The following FRMD4A variants were observed in gnomAD, a reference collection of about 807,000 sequenced individuals.
The protein encoded by FRMD4A is FERM domain-containing protein 4A.
Under a neutral mutation model 129.1 loss-of-function variants are expected in FRMD4A, and 29 were observed. The ratio of observed to expected loss-of-function variants is 0.22; its 90% CI spans 0.17 to 0.31. The LOEUF is 0.31. Ranked by LOEUF, FRMD4A falls within the 10% of genes least tolerant of loss-of-function variation. The pLI is 1.00. For missense variants in FRMD4A, 1,272 were observed against 1,375.8 expected (o/e 0.92, Z 1.19); for synonymous variants, 634 against 571.6 (o/e 1.11, Z -1.56).
chr10:13,658,768 C>G (rs140250189), intron 21 of FRMD4A, among the ~76,000 whole-genome samples: 7,436 of 151,590 alleles, frequency 0.049, 508 homozygotes, highest in African/African-American at 0.15. Context: ...TGTAATCCCA[C>G]CTACTTGGGA....
chr10:14,240,333 C>T (rs1556158), intron 2 of FRMD4A, among the ~76,000 whole-genome samples: 11,971 of 152,152 alleles, frequency 0.079, 654 homozygotes, highest in South Asian at 0.18. Context: ...TTTCTTTTCC[C>T]GGTGTGTGCG....
At chr10:13,716,139 A>T (rs977549833) in intron 12 of FRMD4A, among the ~76,000 whole-genome samples, 2 of 152,056 alleles carry the variant, frequency 1.3e-5, no homozygotes, top group Non-Finnish European at 2.9e-5. Flanking sequence ...GAGAAGTTGG[A>T]CCCAGGGTCC....
intron 2 of FRMD4A, among the ~76,000 whole-genome samples, chr10:14,244,909 C>A (rs939260458): frequency 2.6e-5 from 4 of 152,184 alleles, no homozygotes; most frequent in African/African-American, 9.7e-5. Flanking sequence ...GGCTATAATG[C>A]TCTTTCTCCT....
intron 2 of FRMD4A, among the ~76,000 whole-genome samples, chr10:14,279,250 G>T (rs543337183): frequency 1.4e-5 from 2 of 145,454 alleles, no homozygotes; most frequent in Non-Finnish European, 3.0e-5. Flanking sequence ...GTAGAGTGGC[G>T]CCATCCTGGC....
intron 2 of FRMD4A, among the ~76,000 whole-genome samples, chr10:14,210,927 C>A (rs1450351458): frequency 6.6e-6 from 1 of 152,124 alleles, no homozygotes; most frequent in African/African-American, 2.4e-5. Flanking sequence ...TGGTGTTTCA[C>A]CGTCTTGACC....
intron 12 of FRMD4A, among the ~76,000 whole-genome samples, chr10:13,733,047 G>A (rs537861588): frequency 2.6e-5 from 4 of 152,224 alleles, no homozygotes; most frequent in African/African-American, 7.2e-5. Context: ...GATGTACAGC[G>A]GAGGTTAAGA....
chr10:14,055,462 A>AAACACAC (rs1834476848), intron 2 of FRMD4A, among the ~76,000 whole-genome samples: 7 of 77,430 alleles, frequency 9.0e-5, no homozygotes, highest in African/African-American at 3.4e-4. Flanking sequence ...CACACACACA[A>AAACACAC]ACACACACAC....
At chr10:13,765,753 C>G (rs1397923626) in intron 6 of FRMD4A, among the ~76,000 whole-genome samples, 1 of 152,168 alleles carries the variant, frequency 6.6e-6, no homozygotes, top group Non-Finnish European at 1.5e-5. Flanking sequence ...TAGCAGGTCC[C>G]ATCAGAATGT....
chr10:13,930,604 G>C (rs1416303633), intron 2 of FRMD4A, among the ~76,000 whole-genome samples: 1 of 152,192 alleles, frequency 6.6e-6, no homozygotes, highest in African/African-American at 2.4e-5. Context: ...CATGCAAAGA[G>C]TGTCACTGCC....
At chr10:13,706,950 T>A in intron 13 of FRMD4A, 87 bp downstream of exon 13, 1 of 752,096 alleles carries the variant, frequency 1.3e-6, no homozygotes, top group East Asian at 2.6e-5. Context: ...AAACTGACCA[T>A]GAACAACGAC....
At chr10:13,737,718 C>G in intron 12 of FRMD4A, 126 bp downstream of exon 12, 1 of 624,342 alleles carries the variant, frequency 1.6e-6, no homozygotes, top group Admixed American at 2.8e-5. Context: ...AATTTGTATA[C>G]ACTAAAATTA....
chr10:14,289,132 C>A (rs1216798574), intron 2 of FRMD4A, among the ~76,000 whole-genome samples: 2 of 151,860 alleles, frequency 1.3e-5, no homozygotes, highest in African/African-American at 2.4e-5. Flanking sequence ...GGATATATAC[C>A]CAGAGATGGG....
chr10:14,135,959 C>T (rs1839514118), intron 2 of FRMD4A, among the ~76,000 whole-genome samples: 2 of 152,176 alleles, frequency 1.3e-5, no homozygotes, highest in Admixed American at 1.3e-4. Flanking sequence ...TTATTCTAAA[C>T]ATACCGTGGT....
chr10:13,687,747 T>C (rs923586349), intron 15 of FRMD4A, among the ~76,000 whole-genome samples: 2 of 152,290 alleles, frequency 1.3e-5, no homozygotes, highest in Non-Finnish European at 2.9e-5. Context: ...GTGAATCCAA[T>C]GCACCCTGCC....
intron 12 of FRMD4A, among the ~76,000 whole-genome samples, chr10:13,726,935 G>T (rs188074349): frequency 1.3e-5 from 2 of 151,116 alleles, no homozygotes; most frequent in African/African-American, 2.4e-5. Flanking sequence ...CCACGATGTC[G>T]CTCTGTCGCC....
intron 2 of FRMD4A, among the ~76,000 whole-genome samples, chr10:14,168,985 A>G (rs1841334346): frequency 1.3e-5 from 2 of 152,198 alleles, no homozygotes; most frequent in South Asian, 4.1e-4. Context: ...GAAAAAGAAT[A>G]AAGTTTTTTC....
chr10:14,047,238 T>C (rs1052212024), intron 2 of FRMD4A, among the ~76,000 whole-genome samples: 4 of 152,208 alleles, frequency 2.6e-5, no homozygotes, highest in Admixed American at 6.5e-5. Context: ...TTGATGGTCT[T>C]GCTTGGTGGA....
chr10:13,730,065 T>C (rs1017204275), intron 12 of FRMD4A, among the ~76,000 whole-genome samples: 2 of 152,182 alleles, frequency 1.3e-5, no homozygotes, highest in African/African-American at 4.8e-5. Context: ...CTTCCGATGA[T>C]CAGATGGCTG....
chr10:13,835,542 A>T (rs2093859863), intron 3 of FRMD4A, among the ~76,000 whole-genome samples: 1 of 151,900 alleles, frequency 6.6e-6, no homozygotes, highest in Non-Finnish European at 1.5e-5. Flanking sequence ...CCTGAGTTCC[A>T]CCTCCCTTCA....
Sources: allele counts gnomAD v4.1 joint callset (sites outside exome capture counted in the v4.1 genomes callset), GRCh38; gene constraint gnomAD v4.1.1; transcripts MANE v1.5; gene names NCBI Gene and HGNC (gene_info 2026-07-23, HGNC 2026-07-21).